TRMT9B: variants seen among roughly 807,000 people sequenced by gnomAD.
TRMT9B encodes the protein probable tRNA methyltransferase 9B.
A neutral mutation model predicts 11.5 loss-of-function variants in TRMT9B; 16 were observed. The ratio of observed to expected loss-of-function variants is 1.39; its 90% CI spans 0.94 to 2.11. The LOEUF (loss-of-function observed/expected upper bound fraction) is 2.11, where lower values mean the gene tolerates loss of function less well. Ranked by LOEUF, TRMT9B falls within the 30% of genes most tolerant of loss-of-function variation. TRMT9B has a pLI of 0.00. For synonymous variants in TRMT9B, 274 were observed against 192.4 expected (o/e 1.42, Z -3.51); for missense variants, 941 against 553.8 (o/e 1.70, Z -7.02).
At chr8:13,016,624 A>C (rs776013969) in intron 4 of TRMT9B, among the ~76,000 whole-genome samples, 3 of 151,736 alleles carry the variant, frequency 2.0e-5, no homozygotes, top group Admixed American at 6.6e-5. Flanking sequence ...TATTAGAAAA[A>C]GAAATATTGT....
At position 13,018,008 on chromosome 8, in the gene TRMT9B, C is replaced by A. The variant is rs1001431622; in HGVS notation, c.329-3000C>A. On this transcript the variant is annotated intron_variant, in intron 4 of 4. Coordinates refer to ENST00000524591, the MANE Select transcript of TRMT9B (RefSeq NM_020844.3). ...TAAATATAAAACATAATATGAACGA[C>A]TGATATTCCTGGGTGAAATTATGCT... 7.3e-5 allele frequency among the ~76,000 whole-genome samples: 11 copies of A among 150,070 alleles called. No individual in the cohort carries two copies. In the Admixed American group the frequency reaches 7.4e-4, roughly 10 times the overall value.
intron 1 of TRMT9B, among the ~76,000 whole-genome samples, chr8:12,954,419 G>A (rs982297551): frequency 4.6e-5 from 7 of 151,678 alleles, no homozygotes; most frequent in Non-Finnish European, 8.8e-5. Flanking sequence ...GCACTATACA[G>A]GCTCATAATA....
At chr8:13,012,300 G>A (rs969445337) in intron 3 of TRMT9B, 1 of 982,072 alleles carries the variant, frequency 1.0e-6, no homozygotes, top group African/African-American at 1.8e-5. Flanking sequence ...AAGTTGGCCA[G>A]GCACAGTGGC....
At chr8:12,984,954 T>TACACACACAC (rs112248064) in intron 1 of TRMT9B, among the ~76,000 whole-genome samples, 2 of 136,464 alleles carry the variant, frequency 1.5e-5, no homozygotes, top group African/African-American at 6.2e-5. Context: ...TCCCTCAACA[T>TACACACACAC]ACACACACAC....
intron 3 of TRMT9B, chr8:13,010,604 A>G: frequency 1.0e-6 from 1 of 985,360 alleles, no homozygotes; most frequent in African/African-American, 1.7e-5. Context: ...GCATGTCAGG[A>G]GAAAAGACCT....
intron 1 of TRMT9B, among the ~76,000 whole-genome samples, chr8:12,965,204 T>C (rs1259237228): frequency 6.6e-6 from 1 of 152,232 alleles, no homozygotes; most frequent in Non-Finnish European, 1.5e-5. Context: ...AGCCTCTGTG[T>C]GTGATATAAG....
chr8:13,011,559 G>A, intron 3 of TRMT9B: 3 of 936,104 alleles, frequency 3.2e-6, no homozygotes, highest in Non-Finnish European at 3.8e-6. Context: ...TTATATATCT[G>A]TGATAGAATA....
intron 1 of TRMT9B, among the ~76,000 whole-genome samples, chr8:12,954,984 G>C (rs191421653): frequency 5.9e-4 from 90 of 152,286 alleles, no homozygotes; most frequent in African/African-American, 2.1e-3. Flanking sequence ...AGGTGTAAAT[G>C]CTGAGTACAC....
At position 13,000,363 on chromosome 8, in the gene TRMT9B, C is replaced by T. The variant is rs149669781; in HGVS notation, c.-1-5839C>T. On this transcript the variant is annotated intron_variant, in intron 2 of 4. Transcript: ENST00000524591. ...GCTAGTAGCAGGAATTGCCAATGTC[C>T]TTCTCTTTGTTTTTCTACCCTTTGG... is the stretch of plus-strand genomic sequence containing the variant. Among the ~76,000 whole-genome samples, 4 of 152,314 alleles carry T rather than the reference C, an allele frequency of 2.6e-5. No individual in the cohort carries two copies. In the East Asian group the frequency reaches 7.7e-4, roughly 29 times the overall value.
rs1002337389 is a variant in TRMT9B, at chr8:13,022,936, T to C, written c.*892T>C. On this transcript the variant is annotated 3_prime_UTR_variant, in exon 5 of 5. Transcript: ENST00000524591. ...AATTCAAGGCTGCAGTGAACTATGATTGCATCACTGCACTGCAGCCTGGGC... is the reference window on the plus strand; with the variant it reads ...AATTCAAGGCTGCAGTGAACTATGACTGCATCACTGCACTGCAGCCTGGGC... 1 of 166,342 alleles carries C rather than the reference T, an allele frequency of 6.0e-6. No individual in the cohort carries two copies. The highest frequency in any genetic ancestry group is 1.5e-5 in the Non-Finnish European group (1 of 68,078). 10.3% of individuals were successfully genotyped at this position (166,342 alleles called of 1,614,324 possible). A position where few individuals can be genotyped will look rare whatever the true frequency, so the allele number is the denominator to read the frequency against.
Position 13,024,764 on chromosome 8 carries a change from C to G in TRMT9B, c.*2720C>G, listed in dbSNP as rs550053749. On this transcript the variant is annotated 3_prime_UTR_variant, in exon 5 of 5. Coordinates refer to ENST00000524591, the MANE Select transcript of TRMT9B (RefSeq NM_020844.3). ...AAATAAAGCATGCTGACTAATAAGT[C>G]TTTTACTCTTCATCTAATGAACATA... 1.2e-5 allele frequency: 2 copies of G among 166,984 alleles called. No homozygotes were observed. The highest frequency in any genetic ancestry group is 3.9e-4 in the East Asian group (2 of 5,186). The allele number at this position is 166,984 out of a possible 1,614,324, so 10.3% of individuals were successfully genotyped here.
chr8:12,950,537 T>TTTTCTTTC (rs59371113), intron 1 of TRMT9B, among the ~76,000 whole-genome samples: 15,845 of 149,424 alleles, frequency 0.11, 1,129 homozygotes, highest in South Asian at 0.24. Flanking sequence ...ACTCGTGGTT[T>TTTTCTTTC]TTTCTTTCTT....
rs937342750 is a variant in TRMT9B, at chr8:12,952,460, G to A, written c.-200+6494G>A. The stretch of plus-strand genomic sequence containing the variant: ...TCAAAACAGGCGAGACAGCCATGCA[G>A]TAAGGGATTGCGGGATGTGCTTTGG... On this transcript the variant is annotated intron_variant, in intron 1 of 4. Transcript: ENST00000524591. 1.8e-5 allele frequency: 5 copies of A among 272,364 alleles called. No individual in the cohort carries two copies. The Admixed American group carries it at 2.5e-4, about 14-fold the overall frequency. 16.9% of individuals were successfully genotyped at this position (272,364 alleles called of 1,614,324 possible).
At chr8:12,987,966 A>C (rs1563367510) in intron 1 of TRMT9B, among the ~76,000 whole-genome samples, 1 of 152,244 alleles carries the variant, frequency 6.6e-6, no homozygotes, top group Non-Finnish European at 1.5e-5. Context: ...TCAAAGCACA[A>C]TTATTACTGA....
chr8:12,979,148 A>G (rs996945784), intron 1 of TRMT9B, among the ~76,000 whole-genome samples: 1 of 152,168 alleles, frequency 6.6e-6, no homozygotes, highest in Non-Finnish European at 1.5e-5. Flanking sequence ...TGGCAGGCCT[A>G]TGAGGAAGTA....
At position 12,954,521 on chromosome 8, in the gene TRMT9B, C is replaced by A. The variant is rs551694228; in HGVS notation, c.-200+8555C>A. ...AGGAATTGAGTGAAAGCTCTCATTG[C>A]GATTAAGCCCCTGGTATAATGCATT... On this transcript the variant is annotated intron_variant, in intron 1 of 4. Coordinates refer to ENST00000524591, the MANE Select transcript of TRMT9B (RefSeq NM_020844.3). 2.6e-5 allele frequency among the ~76,000 whole-genome samples: 4 copies of A among 152,286 alleles called. No individual in the cohort carries two copies. In the East Asian group the frequency reaches 5.8e-4, roughly 22 times the overall value.
intron 1 of TRMT9B, among the ~76,000 whole-genome samples, chr8:12,968,705 T>A (rs1803165347): frequency 6.6e-6 from 1 of 152,134 alleles, no homozygotes; most frequent in African/African-American, 2.4e-5. Context: ...AGAAGGCCCC[T>A]CCCTGAGTCG....
At chr8:13,017,564 C>T (rs2253036) in intron 4 of TRMT9B, among the ~76,000 whole-genome samples, 150,598 of 151,006 alleles carry the variant, frequency 1, 75,096 homozygotes, top group Non-Finnish European at 1. Context: ...AACATGTATG[C>T]GTATGCATGT....
chr8:12,955,795 C>T (rs968542431), intron 1 of TRMT9B, among the ~76,000 whole-genome samples: 2 of 152,110 alleles, frequency 1.3e-5, no homozygotes, highest in African/African-American at 4.8e-5. Flanking sequence ...AAGGTTGCAA[C>T]TGAAAGTAGG....
Sources: gnomAD v4.1 joint callset for allele counts (sites outside exome capture counted in the v4.1 genomes callset) on GRCh38, gnomAD v4.1.1 for gene constraint, MANE v1.5 for transcripts, NCBI Gene and HGNC (gene_info 2026-07-23, HGNC 2026-07-21) for gene names.